The following GNA15 variants were observed in gnomAD, a reference collection of about 807,000 sequenced individuals.
GNA15 encodes guanine nucleotide-binding protein subunit alpha-15.
Under a neutral mutation model 40.1 loss-of-function variants are expected in GNA15, and 23 were observed. The ratio of observed to expected loss-of-function variants is 0.57; its 90% CI spans 0.41 to 0.81. The LOEUF (loss-of-function observed/expected upper bound fraction) is 0.81, where lower values mean the gene tolerates loss of function less well. Among genes scored for constraint, GNA15 ranks in the 40% least tolerant of loss-of-function variants. GNA15 has a pLI of 0.00. For synonymous variants in GNA15, 226 were observed against 210.4 expected, an observed-to-expected ratio of 1.07 and a Z score of -0.64; for missense variants, 522 against 515.8, an observed-to-expected ratio of 1.01 and a Z score of -0.12.
rs530747990 is a variant in GNA15 at position 3,155,804 on chromosome 19, G to A, written c.615-19G>A. The A allele has an allele frequency of 1.2e-6, 2 of 1,609,538 alleles. No homozygotes were observed. The highest frequency in any genetic ancestry group is 2.2e-5 in the East Asian group (1 of 44,868). On this transcript the variant is annotated intron_variant, in intron 4 of 6. Coordinates refer to ENST00000262958, the MANE Select transcript of GNA15 (RefSeq NM_002068.4). This position sits in a 1 kb window ranked among gnomAD's most constrained non-coding sequence, Gnocchi z 5.6. ...GCAGGCTCCTGAGCTCTGAAAGGGG[G>A]CACCTCGGTTCCCTGTAGGATCGTG...
chr19:3,157,036 C>T (rs1384012746), intron 5 of GNA15, among the ~76,000 whole-genome samples: 1 of 151,712 alleles, frequency 6.6e-6, no homozygotes, highest in Non-Finnish European at 1.5e-5. Context: ...TCGCTTTTGT[C>T]GCCCAGGTTA....
intron 1 of GNA15, among the ~76,000 whole-genome samples, chr19:3,146,976 T>TG (rs1267246883): frequency 6.6e-6 from 1 of 150,660 alleles, no homozygotes; most frequent in Non-Finnish European, 1.5e-5. Context: ...ATATGCCAGG[T>TG]GCGGCCCTGC....
chr19:3,142,195 C>A (rs1914592264), intron 1 of GNA15: 1 of 152,248 alleles, frequency 6.6e-6, no homozygotes, highest in African/African-American at 2.4e-5. Context: ...CCCGTCTGGG[C>A]CGCATGGCCT....
chr19:3,146,107 C>CT (rs962222576), intron 1 of GNA15, among the ~76,000 whole-genome samples: 1 of 152,136 alleles, frequency 6.6e-6, no homozygotes, highest in African/African-American at 2.4e-5. Context: ...CACTCCTTCC[C>CT]TTTTTGCTGC....
chr19:3,151,441 C>T lies in GNA15; in HGVS notation c.486-266C>T, dbSNP rs1327847102. On this transcript the variant is annotated intron_variant, in intron 3 of 6. Transcript: ENST00000262958. This position sits in a 1 kb window ranked among gnomAD's most constrained non-coding sequence, Gnocchi z 5.0. ...CGCCACCCCTGCCATAGCAGCTCTC[C>T]CGGGGGACACCACTCCTCGATGAGG... 6.6e-6 allele frequency among the ~76,000 whole-genome samples: 1 copy of T among 152,120 alleles called. No individual in the cohort carries two copies. The highest frequency in any genetic ancestry group is 1.5e-5 in the Non-Finnish European group (1 of 67,990).
At chr19:3,147,816 A>G (rs1235918951) in intron 1 of GNA15, among the ~76,000 whole-genome samples, 1 of 146,498 alleles carries the variant, frequency 6.8e-6, no homozygotes, top group Non-Finnish European at 1.5e-5. Context: ...TGAACCCGGG[A>G]GACGGAGCTT....
At chr19:3,160,796 A>G (rs1332871765) in intron 6 of GNA15, among the ~76,000 whole-genome samples, 1 of 152,050 alleles carries the variant, frequency 6.6e-6, no homozygotes, top group Non-Finnish European at 1.5e-5. Context: ...GTGGCCTACA[A>G]TCCTTAGCTT....
At chr19:3,139,500 T>A (rs1914527506) in intron 1 of GNA15, among the ~76,000 whole-genome samples, 1 of 138,752 alleles carries the variant, frequency 7.2e-6, no homozygotes, top group Admixed American at 7.3e-5. Context: ...GAGGCTGAGG[T>A]GAGAGGATCA....
intron 4 of GNA15, among the ~76,000 whole-genome samples, chr19:3,153,505 G>C (rs1053859262): frequency 8.6e-5 from 13 of 151,552 alleles, no homozygotes; most frequent in African/African-American, 2.7e-4. Context: ...TGGGTGGATG[G>C]GTGATACATG....
At chr19:3,146,745 C>G (rs539318547) in intron 1 of GNA15, among the ~76,000 whole-genome samples, 2 of 152,194 alleles carry the variant, frequency 1.3e-5, no homozygotes, top group Non-Finnish European at 2.9e-5. Flanking sequence ...CCCCCCACAG[C>G]CTGTCCTCCC....
At chr19:3,143,285 T>G (rs399725) in intron 1 of GNA15, 28,524 of 152,130 alleles carry the variant, frequency 0.19, 2,913 homozygotes, top group African/African-American at 0.27. Context: ...AAGATTTAAA[T>G]CATGCTAGCT....
intron 1 of GNA15, among the ~76,000 whole-genome samples, chr19:3,144,462 ATTTCAGATTGTGGACCT>A (rs1914649695): frequency 6.6e-6 from 1 of 152,162 alleles, no homozygotes; most frequent in Admixed American, 6.6e-5. Flanking sequence ...GCATCAGAGA[ATTTCAGATTGTGGACCT>A]GGGGGATGTT....
chr19:3,137,268 G>C (rs1198940558), intron 1 of GNA15, among the ~76,000 whole-genome samples: 1 of 152,192 alleles, frequency 6.6e-6, no homozygotes, highest in Admixed American at 6.5e-5. Flanking sequence ...CTGGCAACAA[G>C]AATTATCTAG....
intron 1 of GNA15, among the ~76,000 whole-genome samples, chr19:3,145,359 A>ATATATATATATTTT: frequency 1.3e-4 from 6 of 46,966 alleles, no homozygotes; most frequent in African/African-American, 2.7e-4. Flanking sequence ...ATATATATAT[A>ATATATATATATTTT]TTTTTTTTTT....
rs1479566934 is a variant in GNA15, at chr19:3,163,523, C to T, written c.*504C>T. 3 of 158,006 alleles carry T rather than the reference C, an allele frequency of 1.9e-5. No individual in the cohort carries two copies. The highest frequency in any genetic ancestry group is 4.2e-5 in the Non-Finnish European group (3 of 71,508). 9.8% of individuals were successfully genotyped at this position (158,006 alleles called of 1,614,324 possible). ...GTGGACTAGGGGTGCAGGGACTTCC[C>T]TTTGCAAGGGGTAACAGACCGCTGG... On this transcript the variant is annotated 3_prime_UTR_variant, in exon 7 of 7. Coordinates refer to ENST00000262958, the MANE Select transcript of GNA15 (RefSeq NM_002068.4).
chr19:3,147,510 G>A (rs991464330), intron 1 of GNA15, among the ~76,000 whole-genome samples: 2 of 150,540 alleles, frequency 1.3e-5, no homozygotes, highest in African/African-American at 4.9e-5. Flanking sequence ...CTGAGATTGC[G>A]CCATTGCACT....
At chr19:3,137,125 T>C (rs1164072936) in intron 1 of GNA15, among the ~76,000 whole-genome samples, 1 of 152,230 alleles carries the variant, frequency 6.6e-6, no homozygotes, top group Admixed American at 6.5e-5. Flanking sequence ...TATTCATTCA[T>C]TTAAGATTTA....
At position 3,151,144 on chromosome 19, in the gene GNA15, C is replaced by A. The variant is rs532403919; in HGVS notation, c.486-563C>A. The stretch of plus-strand genomic sequence containing the variant: ...CTGGCGGGAACCTGTTCCTAGAGTG[C>A]CCCTGTTTTAGAAGGGACCCTTTTC... On this transcript the variant is annotated intron_variant, in intron 3 of 6. Transcript: ENST00000262958. The surrounding 1 kb of genome is among the most constrained non-coding windows in gnomAD (Gnocchi z 5.0). 1.3e-3 allele frequency among the ~76,000 whole-genome samples: 198 copies of A among 150,380 alleles called. 2 individuals carry two copies. Among genetic ancestry groups the A allele is most frequent in the African/African-American group, 4.7e-3 (192 of 40,848 alleles).
In GNA15 at chr19:3,148,652, C is replaced by G. The variant is rs145476417; in HGVS notation, c.207C>G (p.Gly69=). ...IKQMRIIHGA[G]YSEEERKGFR... is the part of the protein sequence containing the mutation. ...AGATGCGGATCATCCACGGCGCCGG[C>G]TACTCGGAGGAGGAGCGCAAGGGCT... is the stretch of plus-strand genomic sequence containing the variant. The change falls in exon 2 of 7, where the codon GGC becomes GGG. Residue 69 remains glycine, a synonymous_variant. Transcript: ENST00000262958. 14 of 1,590,086 alleles carry G rather than the reference C, an allele frequency of 8.8e-6. No homozygotes were observed. Among genetic ancestry groups the G allele is most frequent in the Non-Finnish European group, 1.0e-5 (12 of 1,168,332 alleles).
Sources: allele counts gnomAD v4.1 joint callset (sites outside exome capture counted in the v4.1 genomes callset), GRCh38; gene constraint gnomAD v4.1.1; non-coding constraint Gnocchi (gnomAD v3.1); transcripts MANE v1.5; gene names NCBI Gene and HGNC (gene_info 2026-07-23, HGNC 2026-07-21).